Variants in TSPAN12 observed in about 807,000 individuals in gnomAD.
TSPAN12 encodes tetraspanin-12.
A neutral mutation model predicts 39.2 loss-of-function variants in TSPAN12; 19 were observed. The ratio of observed to expected loss-of-function variants is 0.49; its 90% CI spans 0.34 to 0.71. The LOEUF is 0.71. Among genes scored for constraint, TSPAN12 ranks in the 30% least tolerant of loss-of-function variants. The pLI is 0.01. For synonymous variants in TSPAN12, 119 were observed against 124.8 expected (o/e 0.95, Z 0.31); for missense variants, 314 against 359.9 (o/e 0.87, Z 1.03).
At chr7:120,789,387 A>G (rs768493061) in intron 7 of TSPAN12, among the ~76,000 whole-genome samples, 1 of 152,196 alleles carries the variant, frequency 6.6e-6, no homozygotes. Flanking sequence ...CTGGCACACA[A>G]TGTTTACGAT....
intron 7 of TSPAN12, among the ~76,000 whole-genome samples, chr7:120,799,467 TA>T: frequency 7.6e-6 from 1 of 131,462 alleles, no homozygotes; most frequent in Non-Finnish European, 1.6e-5. Flanking sequence ...TTTAATTACA[TA>T]ATTATTTTTA....
chr7:120,847,790 G>A (rs189000916), intron 2 of TSPAN12, among the ~76,000 whole-genome samples: 2 of 152,150 alleles, frequency 1.3e-5, no homozygotes, highest in East Asian at 1.9e-4. Flanking sequence ...TTCACCCTTC[G>A]GTTACTTTTA....
chr7:120,802,904 G>A (rs1793801394), intron 7 of TSPAN12, among the ~76,000 whole-genome samples: 1 of 152,104 alleles, frequency 6.6e-6, no homozygotes, highest in Admixed American at 6.5e-5. Flanking sequence ...ATATTATTGG[G>A]TCAGGGACCA....
intron 4 of TSPAN12, among the ~76,000 whole-genome samples, chr7:120,835,869 A>T (rs1393778300): frequency 6.6e-6 from 1 of 152,256 alleles, no homozygotes; most frequent in Non-Finnish European, 1.5e-5. Flanking sequence ...AGACAGCAAG[A>T]ATAAATGTAG....
chr7:120,805,050 C>T (rs186098837), intron 7 of TSPAN12, among the ~76,000 whole-genome samples: 32 of 152,182 alleles, frequency 2.1e-4, no homozygotes, highest in African/African-American at 7.5e-4. Context: ...GTTGTCAGAG[C>T]CACTCAGTTT....
chr7:120,827,379 C>T (rs1266078779), intron 4 of TSPAN12, among the ~76,000 whole-genome samples: 94 of 152,108 alleles, frequency 6.2e-4, no homozygotes, highest in Non-Finnish European at 5.9e-5. Flanking sequence ...TATTCATGCA[C>T]ATACACTTTG....
chr7:120,841,069 C>T (rs1482435561), intron 2 of TSPAN12, among the ~76,000 whole-genome samples: 1 of 152,124 alleles, frequency 6.6e-6, no homozygotes, highest in Non-Finnish European at 1.5e-5. Flanking sequence ...GCAGACAGGG[C>T]TGAGAACCAC....
intron 4 of TSPAN12, among the ~76,000 whole-genome samples, chr7:120,824,641 C>T (rs1418316771): frequency 4.6e-5 from 7 of 152,048 alleles, no homozygotes; most frequent in Admixed American, 2.0e-4. Context: ...TTTCTTTTTA[C>T]GTCTTTACTT....
At chr7:120,802,834 T>C (rs1793800027) in intron 7 of TSPAN12, among the ~76,000 whole-genome samples, 1 of 152,216 alleles carries the variant, frequency 6.6e-6, no homozygotes, top group Admixed American at 6.5e-5. Flanking sequence ...TGTTTCTAAA[T>C]GTGCAATTGT....
chr7:120,848,015 C>T lies in TSPAN12; in HGVS notation c.67-7906G>A, dbSNP rs192326306. Among the ~76,000 whole-genome samples, 6 of 152,264 alleles carry T rather than the reference C, an allele frequency of 3.9e-5. No individual in the cohort carries two copies. In the East Asian group the frequency reaches 1.2e-3, roughly 29 times the overall value. ...GACACATTCTATATATGGAAAACAA[C>T]AAAACTGCTTGCACATCTCCAAAAT... On this transcript the variant is annotated intron_variant, in intron 2 of 7. Coordinates refer to ENST00000222747, the MANE Select transcript of TSPAN12 (RefSeq NM_012338.4).
intron 2 of TSPAN12, among the ~76,000 whole-genome samples, chr7:120,847,711 A>G (rs2116493103): frequency 6.6e-6 from 1 of 152,216 alleles, no homozygotes; most frequent in East Asian, 1.9e-4. Context: ...TCAGGCCTTC[A>G]TCCTCTTTTG....
chr7:120,797,680 G>A (rs1035298669), intron 7 of TSPAN12, among the ~76,000 whole-genome samples: 1 of 152,162 alleles, frequency 6.6e-6, no homozygotes, highest in Non-Finnish European at 1.5e-5. Context: ...CTTCCTCACT[G>A]TCAGAGTCCA....
intron 2 of TSPAN12, among the ~76,000 whole-genome samples, chr7:120,841,144 C>T (rs1794571799): frequency 6.6e-6 from 1 of 152,166 alleles, no homozygotes; most frequent in African/African-American, 2.4e-5. Context: ...CCAGACCACA[C>T]TGGTCACTCC....
At chr7:120,833,866 T>G (rs903250020) in intron 4 of TSPAN12, among the ~76,000 whole-genome samples, 14 of 152,162 alleles carry the variant, frequency 9.2e-5, no homozygotes, top group African/African-American at 4.8e-5. Context: ...TGAATTTCAT[T>G]TCGTCTACAG....
intron 2 of TSPAN12, among the ~76,000 whole-genome samples, chr7:120,842,365 T>C (rs1213649598): frequency 3.5e-5 from 5 of 143,978 alleles, no homozygotes; most frequent in Non-Finnish European, 6.1e-5. Flanking sequence ...TGACAATAAA[T>C]AAGAGAAATA....
At chr7:120,826,291 CAGA>C (rs1359006852) in intron 4 of TSPAN12, among the ~76,000 whole-genome samples, 2 of 152,116 alleles carry the variant, frequency 1.3e-5, no homozygotes, top group African/African-American at 4.8e-5. Flanking sequence ...GCCAGTCTAG[CAGA>C]AGGCTACAAG....
At chr7:120,834,592 T>C (rs1794443645) in intron 4 of TSPAN12, among the ~76,000 whole-genome samples, 1 of 152,154 alleles carries the variant, frequency 6.6e-6, no homozygotes, top group African/African-American at 2.4e-5. Flanking sequence ...CTTTTTTATA[T>C]ATATATAATC....
chr7:120,807,740 T>C (rs1793901716), intron 6 of TSPAN12, among the ~76,000 whole-genome samples: 2 of 152,050 alleles, frequency 1.3e-5, no homozygotes, highest in South Asian at 4.1e-4. Context: ...CCACAAAGTA[T>C]TTTGCGTTGT....
At chr7:120,791,383 G>A (rs1282207846) in intron 7 of TSPAN12, among the ~76,000 whole-genome samples, 1 of 151,858 alleles carries the variant, frequency 6.6e-6, no homozygotes, top group Admixed American at 6.6e-5. Context: ...TTTCAGTTAG[G>A]AGGAATAAGT....
Sources: gnomAD v4.1 joint callset for allele counts (sites outside exome capture counted in the v4.1 genomes callset) on GRCh38, gnomAD v4.1.1 for gene constraint, MANE v1.5 for transcripts, NCBI Gene and HGNC (gene_info 2026-07-23, HGNC 2026-07-21) for gene names.